The following DIDO1 variants were observed in gnomAD, a reference collection of about 807,000 sequenced individuals.
DIDO1 encodes death inducer-obliterator 1, also known as death-inducer obliterator 1.
DIDO1 carries 16 observed loss-of-function variants against 99.4 expected under a neutral mutation model. That is an observed-to-expected ratio of 0.16 (90% confidence interval 0.11 to 0.24). The LOEUF is 0.24. Ranked by LOEUF, DIDO1 falls within the 10% of genes least tolerant of loss-of-function variation. The pLI is 1.00. For missense variants in DIDO1, 2,996 were observed against 3,014.0 expected, an observed-to-expected ratio of 0.99 and a Z score of 0.14; for synonymous variants, 1,366 against 1,239.1, an observed-to-expected ratio of 1.10 and a Z score of -2.15.
At chr20:62,922,503 G>A (rs1413194244) in intron 1 of DIDO1, among the ~76,000 whole-genome samples, 1 of 152,112 alleles carries the variant, frequency 6.6e-6, no homozygotes, top group Non-Finnish European at 1.5e-5. Context: ...ACGATAGCGG[G>A]GGTGGGGGGG....
intron 6 of DIDO1, among the ~76,000 whole-genome samples, chr20:62,903,251 G>GA (rs1218593389): frequency 6.6e-6 from 1 of 152,242 alleles, no homozygotes; most frequent in East Asian, 1.9e-4. Flanking sequence ...TTCTAGCAAT[G>GA]GCAGAGTGTC....
chr20:62,882,543 A>T, intron 15 of DIDO1, 129 bp from the exon 16 acceptor site: 1 of 930,278 alleles, frequency 1.1e-6, no homozygotes, highest in Non-Finnish European at 1.6e-6. Flanking sequence ...GTGGCAAAAT[A>T]AGATCAAGTG....
Position 62,894,026 on chromosome 20 carries a change from G to A in DIDO1, c.2741C>T (p.Pro914Leu). The A allele has an allele frequency of 6.2e-7, 1 of 1,614,220 alleles. No individual in the cohort carries two copies. Among genetic ancestry groups the A allele is most frequent in the Non-Finnish European group, 8.5e-7 (1 of 1,180,050 alleles). The change falls in exon 12 of 16, where the codon CCA (proline) becomes CTA (leucine). Residue 914 changes from proline (P) to leucine (L), a missense_variant. By Grantham distance (98) the Pro-to-Leu change is moderately conservative. Around this residue, in one of 5 missense-constraint regions of DIDO1, gnomAD observed 898 missense variants for 972.7 expected, o/e 0.92. Transcript: ENST00000395343. This position sits in a 1 kb window ranked among gnomAD's most constrained non-coding sequence, Gnocchi z 4.4. ...TGGATGAGAAGCACTTTCTAGGCCT[G>A]GCTCAGAGGCAACTTCAGGCACAGC... ...PEAVPEVASEPGLESASHPNV... is the reference protein window; with the variant it reads ...PEAVPEVASELGLESASHPNV...
In DIDO1 at chr20:62,910,917, A is replaced by G; in HGVS notation, c.696T>C (p.Asp232=). 6.2e-7 allele frequency: 1 copy of G among 1,613,836 alleles called. No individual in the cohort carries two copies. Among genetic ancestry groups the G allele is most frequent in the South Asian group, 1.1e-5 (1 of 91,066 alleles). ...DQGVVSQAGK[D]DRESKLEGKA... is the part of the protein sequence containing the mutation. ...TTCCCTCCAACTTACTCTCTCTGTC[A>G]TCTTTCCCAGCCTGGGACACAACCC... is the stretch of plus-strand genomic sequence containing the variant. The change falls in exon 3 of 16, where the codon GAT becomes GAC. Residue 232 remains aspartate, a synonymous_variant. Coordinates refer to ENST00000395343, the MANE Select transcript of DIDO1 (RefSeq NM_001193369.2).
intron 1 of DIDO1, among the ~76,000 whole-genome samples, chr20:62,933,897 C>T (rs77951816): frequency 0.017 from 2,620 of 152,284 alleles, 73 homozygotes; most frequent in African/African-American, 0.06. Flanking sequence ...GATTAATATA[C>T]CTTTAGCACT....
rs1294766661 is a variant in DIDO1, at chr20:62,910,892, T to C, written c.721A>G (p.Lys241Glu). Residue 241 changes from lysine to glutamate, a missense_variant, in exon 3 of 16, where the codon AAG becomes GAG. Physicochemically the swap from Lys to Glu is moderately conservative, Grantham distance 56. Coordinates refer to ENST00000395343, the MANE Select transcript of DIDO1 (RefSeq NM_001193369.2). The stretch of plus-strand genomic sequence containing the variant: ...TCATCTTTGATGTCCTGAGCCGCCT[T>C]TCCCTCCAACTTACTCTCTCTGTCA... ...KDDRESKLEG[K>E]AAQDIKDEEP... 3 of 1,614,142 alleles carry C rather than the reference T, an allele frequency of 1.9e-6. No homozygotes were observed. The highest frequency in any genetic ancestry group is 2.2e-5 in the South Asian group (2 of 91,086).
In DIDO1 at chr20:62,925,251, C is replaced by G. The variant is rs528118518; in HGVS notation, c.-200+1188G>C. 2.6e-5 allele frequency among the ~76,000 whole-genome samples: 4 copies of G among 152,316 alleles called. No homozygotes were observed. The South Asian group carries it at 8.3e-4, about 32-fold the overall frequency. On this transcript the variant is annotated intron_variant, in intron 1 of 15. Coordinates refer to ENST00000395343, the MANE Select transcript of DIDO1 (RefSeq NM_001193369.2). Reference sequence around the variant, plus strand: ...TCTCCAGGACTGGGACAGGGGCCACCTTGGTCACTGCTGTATCCCTCGTGC... The same window carrying G: ...TCTCCAGGACTGGGACAGGGGCCACGTTGGTCACTGCTGTATCCCTCGTGC...
chr20:62,914,449 T>C (rs1416344327), intron 1 of DIDO1, 43 bp from the exon 2 acceptor site: 1 of 152,246 alleles, frequency 6.6e-6, no homozygotes, highest in Non-Finnish European at 1.5e-5. Flanking sequence ...TTAAGTAAAC[T>C]ACGTATCGAC....
chr20:62,916,633 A>G (rs60359569), intron 1 of DIDO1, among the ~76,000 whole-genome samples: 2 of 152,164 alleles, frequency 1.3e-5, no homozygotes, highest in Non-Finnish European at 2.9e-5. Flanking sequence ...ATTTTTGCAA[A>G]TTTCTGGCAT....
At chr20:62,888,937 T>G in intron 15 of DIDO1, 2 of 985,480 alleles carry the variant, frequency 2.0e-6, no homozygotes, top group Non-Finnish European at 2.4e-6. Context: ...AAGGTTTCAC[T>G]AGCTGTTACT....
intron 6 of DIDO1, among the ~76,000 whole-genome samples, chr20:62,904,115 C>T (rs912127129): frequency 3.8e-4 from 58 of 152,182 alleles, no homozygotes; most frequent in Non-Finnish European, 8.1e-4. Context: ...AAATTATCAC[C>T]CACTTATCTG....
At position 62,909,811 on chromosome 20, in the gene DIDO1, C is replaced by A. The variant is rs775852609; in HGVS notation, c.1049G>T (p.Cys350Phe). The A allele has an allele frequency of 6.2e-7, 1 of 1,614,262 alleles. No homozygotes were observed. The highest frequency in any genetic ancestry group is 8.5e-7 in the Non-Finnish European group (1 of 1,180,044). Residue 350 changes from cysteine to phenylalanine, a missense_variant, in exon 4 of 16, where the codon TGT becomes TTT. Cys to Phe is a radical substitution (Grantham distance 205). This residue lies in a region of DIDO1 where 898 missense variants were observed against 972.7 expected (regional missense o/e 0.92). Transcript: ENST00000395343. ...CTGCTCTATTGTTCCTATACTTGTA[C>A]AATCGGTGCCATCAGCATCTCCAGG... is the stretch of plus-strand genomic sequence containing the variant. ...WRPGDADGTD[C>F]TSIGTIEQKS...
chr20:62,911,592 C>A lies in DIDO1; in HGVS notation c.21G>T (p.Pro7=), dbSNP rs538195331. The A allele has an allele frequency of 1.3e-6, 2 of 1,587,434 alleles. No homozygotes were observed. The highest frequency in any genetic ancestry group is 2.7e-5 in the African/African-American group (2 of 74,406). The change falls in exon 3 of 16, where the codon CCG becomes CCT. Residue 7 remains proline (P), a synonymous_variant. Coordinates refer to ENST00000395343, the MANE Select transcript of DIDO1 (RefSeq NM_001193369.2). This position sits in a 1 kb window ranked among gnomAD's most constrained non-coding sequence, Gnocchi z 7.0. MDDKGD[P]SNEEAPKAIK... ...TGGCCTTAGGTGCCTCCTCATTGCT[C>A]GGGTCGCCTTTGTCGTCCATACCTA...
intron 8 of DIDO1, among the ~76,000 whole-genome samples, chr20:62,895,487 G>A (rs1369398233): frequency 6.6e-6 from 1 of 152,156 alleles, no homozygotes; most frequent in Non-Finnish European, 1.5e-5. Context: ...CAACACCTCA[G>A]GAAAAACAAT....
chr20:62,894,945 G>A lies in DIDO1; in HGVS notation c.2332-31C>T, dbSNP rs569225650. ...ATGAAAAAGACGAAACAGAGCTTAG[G>A]CCTTGTTTTCTAGGAGGAAAGCATC... On this transcript the variant is annotated intron_variant, in intron 9 of 15. Transcript: ENST00000395343. The surrounding 1 kb of genome is among the most constrained non-coding windows in gnomAD (Gnocchi z 4.4). 1.3e-5 allele frequency: 21 copies of A among 1,606,360 alleles called. No individual in the cohort carries two copies. The highest frequency in any genetic ancestry group is 2.2e-5 in the East Asian group (1 of 44,824).
chr20:62,900,822 G>A (rs59502592), intron 6 of DIDO1, among the ~76,000 whole-genome samples: 2,954 of 152,252 alleles, frequency 0.019, 107 homozygotes, highest in African/African-American at 0.068. Flanking sequence ...ATCACCATCC[G>A]CTACAGCTCT....
chr20:62,887,317 T>TA, intron 15 of DIDO1: 1 of 985,466 alleles, frequency 1.0e-6, no homozygotes, highest in Non-Finnish European at 1.2e-6. Flanking sequence ...TACTGTTACA[T>TA]ACACACATGA....
chr20:62,887,213 G>GT (rs2064310643), intron 15 of DIDO1: 1 of 985,380 alleles, frequency 1.0e-6, no homozygotes. Flanking sequence ...ACAAGGACCA[G>GT]TTTCCATGAA....
chr20:62,897,148 G>T, intron 6 of DIDO1, 152 bp from the exon 7 acceptor site: 1 of 723,612 alleles, frequency 1.4e-6, no homozygotes, highest in East Asian at 2.8e-5. Context: ...TAAAATGTTA[G>T]TGTTCAGAGG....
Sources: gnomAD v4.1 joint callset for allele counts (sites outside exome capture counted in the v4.1 genomes callset) on GRCh38, gnomAD v4.1.1 for gene constraint, gnomAD v4.1.1 regional missense constraint, Gnocchi (gnomAD v3.1) non-coding constraint, MANE v1.5 for transcripts, NCBI Gene and HGNC (gene_info 2026-07-23, HGNC 2026-07-21) for gene names.